TMEM163: variants seen among roughly 807,000 people sequenced by gnomAD.
The protein encoded by TMEM163 is transmembrane protein 163.
TMEM163 carries 17 observed loss-of-function variants against 29.3 expected under a neutral mutation model. That is an observed-to-expected ratio of 0.58 (90% CI 0.40 to 0.87). TMEM163 has a LOEUF of 0.87. Among genes scored for constraint, TMEM163 ranks in the 40% least tolerant of loss-of-function variants. TMEM163 has a pLI of 0.00. For synonymous variants in TMEM163, 157 were observed against 160.6 expected, an observed-to-expected ratio of 0.98 and a Z score of 0.17; for missense variants, 303 against 381.5, an observed-to-expected ratio of 0.79 and a Z score of 1.71.
At chr2:134,617,411 G>C (rs1386977121) in intron 2 of TMEM163, among the ~76,000 whole-genome samples, 1 of 152,078 alleles carries the variant, frequency 6.6e-6, no homozygotes. Context: ...AGGAATTTTA[G>C]ACCAGCCTGG....
intron 5 of TMEM163, among the ~76,000 whole-genome samples, chr2:134,476,749 G>A (rs1326553490): frequency 6.6e-6 from 1 of 152,074 alleles, no homozygotes; most frequent in Non-Finnish European, 1.5e-5. Flanking sequence ...TATGGATGTG[G>A]GTAAACACTC....
At chr2:134,489,674 T>C (rs1286292390) in intron 5 of TMEM163, among the ~76,000 whole-genome samples, 1 of 152,042 alleles carries the variant, frequency 6.6e-6, no homozygotes, top group African/African-American at 2.4e-5. Context: ...ATGTATCATA[T>C]AATAATTGGA....
chr2:134,648,327 C>CTT (rs1270413813), intron 2 of TMEM163, among the ~76,000 whole-genome samples: 2 of 151,962 alleles, frequency 1.3e-5, no homozygotes, highest in Non-Finnish European at 2.9e-5. Flanking sequence ...CTTCTCTTCT[C>CTT]TTCTCTTCTC....
At chr2:134,665,211 G>A (rs940902910) in intron 2 of TMEM163, among the ~76,000 whole-genome samples, 1 of 152,166 alleles carries the variant, frequency 6.6e-6, no homozygotes, top group African/African-American at 2.4e-5. Context: ...ACCCAGGACT[G>A]GGTAATTTAT....
intron 4 of TMEM163, 93 bp downstream of exon 4, chr2:134,550,477 A>G: frequency 8.0e-7 from 1 of 1,248,380 alleles, no homozygotes; most frequent in Non-Finnish European, 1.2e-6. Context: ...TCACTGGGAC[A>G]AAAGCTGCAG....
At chr2:134,470,234 G>A (rs1686767987) in intron 5 of TMEM163, among the ~76,000 whole-genome samples, 2 of 152,034 alleles carry the variant, frequency 1.3e-5, no homozygotes, top group Non-Finnish European at 2.9e-5. Flanking sequence ...GCGGGCGCCT[G>A]TAGTCCTAGC....
At chr2:134,498,609 G>A (rs1679627712) in intron 5 of TMEM163, among the ~76,000 whole-genome samples, 1 of 152,172 alleles carries the variant, frequency 6.6e-6, no homozygotes. Context: ...TGGAATTATA[G>A]GCGTGAGCCA....
chr2:134,561,729 G>A (rs1409171893), intron 2 of TMEM163, among the ~76,000 whole-genome samples: 1 of 152,138 alleles, frequency 6.6e-6, no homozygotes, highest in African/African-American at 2.4e-5. Flanking sequence ...CCTGTGGGAG[G>A]CAGGCCTGGT....
rs759386524 is a variant in TMEM163 at position 134,552,068 on chromosome 2, C to A, written c.346G>T (p.Ala116Ser). ...CTTACTGCAAACCCAAAAGCAGAGG[C>A]GCTGTACCTCATAACGGAGACAGCT... ...AFTVSVMRYS[A>S]SAFGFAFDAI... The change falls in exon 3 of 8, where the codon GCC (alanine) becomes TCC (serine). Residue 116 changes from alanine to serine, a missense_variant. By Grantham distance (99) the Ala-to-Ser change is moderately conservative. This residue lies in a region of TMEM163 where 203 missense variants were observed against 294.3 expected (regional missense o/e 0.69). Transcript: ENST00000281924. The A allele has an allele frequency of 2.4e-5, 39 of 1,612,942 alleles. No individual in the cohort carries two copies. The highest frequency in any genetic ancestry group is 3.3e-5 in the Non-Finnish European group (39 of 1,179,598).
At chr2:134,505,530 G>A (rs1679804385) in intron 4 of TMEM163, among the ~76,000 whole-genome samples, 1 of 152,088 alleles carries the variant, frequency 6.6e-6, no homozygotes, top group Non-Finnish European at 1.5e-5. Context: ...AGGCCTTGTA[G>A]TGCATTTGTT....
chr2:134,702,960 T>C (rs2104893355), intron 2 of TMEM163, among the ~76,000 whole-genome samples: 1 of 152,214 alleles, frequency 6.6e-6, no homozygotes, highest in African/African-American at 2.4e-5. Flanking sequence ...GACAATAAAA[T>C]GAAGCAAAGT....
chr2:134,456,734 G>A lies in TMEM163; in HGVS notation c.852C>T (p.His284=), dbSNP rs763186950. The change falls in exon 8 of 8, where the codon CAC becomes CAT. Residue 284 remains histidine (H), a synonymous_variant. Coordinates refer to ENST00000281924, the MANE Select transcript of TMEM163 (RefSeq NM_030923.5). The part of the protein sequence containing the change: ...DMVPRVRQTR[H]YEMFE ...GCCCCCTTCACTCAAACATCTCGTA[G>A]TGACGTGTCTGCCTCACCCTCGGCA... 18 of 1,613,120 alleles carry A rather than the reference G, an allele frequency of 1.1e-5. No individual in the cohort carries two copies. The highest frequency in any genetic ancestry group is 2.2e-5 in the East Asian group (1 of 44,830).
rs374871738 is a variant in TMEM163 at position 134,552,109 on chromosome 2, A to G, written c.323-18T>C. 10 of 1,603,170 alleles carry G rather than the reference A, an allele frequency of 6.2e-6. No individual in the cohort carries two copies. Among genetic ancestry groups the G allele is most frequent in the African/African-American group, 1.3e-5 (1 of 74,528 alleles). On this transcript the variant is annotated intron_variant, in intron 2 of 7. Transcript: ENST00000281924. Reference sequence around the variant, plus strand: ...GGAGACAGCTAAAAAGAAAGAAAATATTATTCAGAATATTTTAAAACCTCT... The same window carrying G: ...GGAGACAGCTAAAAAGAAAGAAAATGTTATTCAGAATATTTTAAAACCTCT...
intron 6 of TMEM163, among the ~76,000 whole-genome samples, chr2:134,465,198 A>AAAAAAAAAAAAC (rs1352256515): frequency 1.1e-4 from 16 of 144,398 alleles, no homozygotes; most frequent in African/African-American, 3.6e-4. Flanking sequence ...TTAAAAAAAA[A>AAAAAAAAAAAAC]AAAAACAAAA....
chr2:134,665,120 A>G lies in TMEM163; in HGVS notation c.322+48080T>C, dbSNP rs189877043. On this transcript the variant is annotated intron_variant, in intron 2 of 7. Coordinates refer to ENST00000281924, the MANE Select transcript of TMEM163 (RefSeq NM_030923.5). ...AAGACAAACAGCTTGTGATGCTTAT[A>G]TTGTTGTTTGGGGGTCCACACTTTG... Among the ~76,000 whole-genome samples the G allele has an allele frequency of 4.2e-3, 632 of 152,232 alleles. 9 individuals carry two copies. The highest frequency in any genetic ancestry group is 0.014 in the African/African-American group (595 of 41,530).
chr2:134,476,053 C>A (rs547704125), intron 5 of TMEM163, among the ~76,000 whole-genome samples: 1 of 152,286 alleles, frequency 6.6e-6, no homozygotes, highest in South Asian at 2.1e-4. Context: ...TCATAATAGT[C>A]AAAAACTGGA....
intron 2 of TMEM163, among the ~76,000 whole-genome samples, chr2:134,599,742 G>A (rs574727659): frequency 3.4e-5 from 5 of 146,164 alleles, no homozygotes; most frequent in East Asian, 3.9e-4. Context: ...CATGTTGCCC[G>A]GGCTGGTCTT....
At chr2:134,668,069 G>A (rs1337148141) in intron 2 of TMEM163, among the ~76,000 whole-genome samples, 1 of 152,208 alleles carries the variant, frequency 6.6e-6, no homozygotes, top group African/African-American at 2.4e-5. Context: ...CTAAGGCTGA[G>A]GGACTTGGAT....
Position 134,647,060 on chromosome 2 carries a change from G to A in TMEM163, c.322+66140C>T, listed in dbSNP as rs143501535. ...TGAGAAGTAACAAGAAGACAGGCTCGGGAAATCCAGACCTGCCAATCATCA... is the reference window on the plus strand; with the variant it reads ...TGAGAAGTAACAAGAAGACAGGCTCAGGAAATCCAGACCTGCCAATCATCA... On this transcript the variant is annotated intron_variant, in intron 2 of 7. Coordinates refer to ENST00000281924, the MANE Select transcript of TMEM163 (RefSeq NM_030923.5). Among the ~76,000 whole-genome samples the A allele has an allele frequency of 1.3e-4, 20 of 152,264 alleles. No homozygotes were observed. In the East Asian group the frequency reaches 1.7e-3, roughly 13 times the overall value.
Sources: allele counts gnomAD v4.1 joint callset (sites outside exome capture counted in the v4.1 genomes callset), GRCh38; gene constraint gnomAD v4.1.1; regional missense constraint gnomAD v4.1.1; transcripts MANE v1.5; gene names NCBI Gene and HGNC (gene_info 2026-07-23, HGNC 2026-07-21).